The following MAPKBP1 variants were observed in gnomAD, a reference collection of about 807,000 sequenced individuals.
MAPKBP1 encodes the protein mitogen-activated protein kinase binding protein 1.
Under a neutral mutation model 170.5 loss-of-function variants are expected in MAPKBP1, and 71 were observed. The ratio of observed to expected loss-of-function variants is 0.42; its 90% CI spans 0.34 to 0.51. The LOEUF (loss-of-function observed/expected upper bound fraction) is 0.51. Among genes scored for constraint, MAPKBP1 ranks in the 20% least tolerant of loss-of-function variants. The probability of loss-of-function intolerance (pLI) is 0.06; values close to 1 mark genes in which losing one functional copy is unlikely to be tolerated. For synonymous variants in MAPKBP1, 719 were observed against 757.9 expected, an observed-to-expected ratio of 0.95 and a Z score of 0.84; for missense variants, 1,598 against 1,933.0, an observed-to-expected ratio of 0.83 and a Z score of 3.25.
rs1366828943 is a variant in MAPKBP1 at position 41,794,147 on chromosome 15, G to A, written c.115-5676G>A. Among the ~76,000 whole-genome samples the A allele has an allele frequency of 5.9e-5, 9 of 152,110 alleles. No individual in the cohort carries two copies. In the South Asian group the frequency reaches 8.3e-4, roughly 14 times the overall value. The stretch of plus-strand genomic sequence containing the variant: ...CTCGGGAGGCTGAGGCAGCAGAATC[G>A]CTTGAACCCTGGAGGCAGAGATTGC... On this transcript the variant is annotated intron_variant, in intron 2 of 30. Coordinates refer to ENST00000457542, the MANE Select transcript of MAPKBP1 (RefSeq NM_014994.3).
intron 1 of MAPKBP1, 40 bp downstream of exon 1, chr15:41,774,650 G>A: frequency 5.0e-6 from 2 of 398,710 alleles, no homozygotes; most frequent in Non-Finnish European, 8.8e-6. Context: ...CGAGTAGCAG[G>A]GGCCTCAGAG....
At chr15:41,793,883 A>G (rs796640948) in intron 2 of MAPKBP1, among the ~76,000 whole-genome samples, 93 of 152,328 alleles carry the variant, frequency 6.1e-4, no homozygotes, top group African/African-American at 2.2e-3. Context: ...GACATGTCAA[A>G]GAATTATACA....
In MAPKBP1 at chr15:41,825,594, G is replaced by T; in HGVS notation, c.*158G>T. The T allele has an allele frequency of 1.7e-6, 1 of 582,856 alleles. No individual in the cohort carries two copies. Among genetic ancestry groups the T allele is most frequent in the Non-Finnish European group, 2.9e-6 (1 of 340,826 alleles). The allele number at this position is 582,856 out of a possible 1,614,324, so 36.1% of individuals were successfully genotyped here. Reference sequence around the variant, plus strand: ...CCCAGCCGCTCCTCGTGGGGGGCCTGTATTTATTAATTTATTTCCCTGACT... The same window carrying T: ...CCCAGCCGCTCCTCGTGGGGGGCCTTTATTTATTAATTTATTTCCCTGACT... On this transcript the variant is annotated 3_prime_UTR_variant, in exon 31 of 31. Coordinates refer to ENST00000457542, the MANE Select transcript of MAPKBP1 (RefSeq NM_014994.3).
intron 3 of MAPKBP1, among the ~76,000 whole-genome samples, chr15:41,807,423 C>T (rs971219721): frequency 9.8e-5 from 15 of 152,290 alleles, no homozygotes; most frequent in African/African-American, 3.4e-4. Flanking sequence ...CATAAACTTG[C>T]AAATAGATCC....
At chr15:41,812,230 A>C (rs969314409) in intron 6 of MAPKBP1, 103 bp downstream of exon 6, 1 of 1,447,458 alleles carries the variant, frequency 6.9e-7, no homozygotes. Context: ...ACCCCACTGA[A>C]CCATTCTCAT....
intron 2 of MAPKBP1, among the ~76,000 whole-genome samples, chr15:41,798,424 A>T (rs1436441455): frequency 1.3e-5 from 2 of 151,556 alleles, no homozygotes; most frequent in African/African-American, 4.8e-5. Flanking sequence ...CTGGGATTAC[A>T]GGCACCAACC....
chr15:41,789,340 C>T (rs1157280498), intron 2 of MAPKBP1, among the ~76,000 whole-genome samples: 1 of 151,694 alleles, frequency 6.6e-6, no homozygotes, highest in Non-Finnish European at 1.5e-5. Context: ...TGCATGCTTA[C>T]ATTGAGATAA....
intron 23 of MAPKBP1, 145 bp downstream of exon 23, chr15:41,821,213 G>C (rs767895781): frequency 1.7e-4 from 131 of 784,082 alleles, no homozygotes; most frequent in East Asian, 2.3e-4. Context: ...AGCCAGGATG[G>C]GGGTGGCTGG....
chr15:41,825,436 A>C lies in MAPKBP1; in HGVS notation c.4527A>C (p.Ter1509CysextTer8), dbSNP rs1489522623. 2.6e-5 allele frequency: 42 copies of C among 1,598,138 alleles called. No homozygotes were observed. The highest frequency in any genetic ancestry group is 3.6e-5 in the Non-Finnish European group (42 of 1,168,832). Residue 1509 changes from the stop codon to cysteine, a stop_lost, in exon 31 of 31, where the codon TGA becomes TGC. Transcript: ENST00000457542. ...AVERRMERKL* is the reference protein window; with the variant it reads ...AVERRMERKLC ...AACGGCGTATGGAACGCAAACTCTG[A>C]GTTCTGGAAGCCTGTCCCAAGTGAA...
chr15:41,814,611 C>A lies in MAPKBP1; in HGVS notation c.1042C>A (p.Pro348Thr). The A allele has an allele frequency of 6.2e-7, 1 of 1,614,150 alleles. No homozygotes were observed. The highest frequency in any genetic ancestry group is 2.2e-5 in the East Asian group (1 of 44,874). ...AGACACCATTGCCTTGACCTTTGAT[C>A]CTACTAATCAGTGGCTGTCTTGTGT... ...YPDTIALTFD[P>T]TNQWLSCVYN... The change falls in exon 10 of 31, where the codon CCT (proline) becomes ACT (threonine). Residue 348 changes from proline (P) to threonine (T), a missense_variant. Physicochemically the swap from Pro to Thr is conservative, Grantham distance 38. Transcript: ENST00000457542.
Position 41,807,721 on chromosome 15 carries a change from C to T in MAPKBP1, c.207-3162C>T, listed in dbSNP as rs1323523241. On this transcript the variant is annotated intron_variant, in intron 3 of 30. Transcript: ENST00000457542. The stretch of plus-strand genomic sequence containing the variant: ...GCCTGGGGCTATTACTTTTCATATA[C>T]TGCATAAAGTATTAAAACCTAAATA... Among the ~76,000 whole-genome samples the T allele has an allele frequency of 3.3e-5, 5 of 152,246 alleles. No homozygotes were observed. In the East Asian group the frequency reaches 9.6e-4, roughly 29 times the overall value.
intron 1 of MAPKBP1, chr15:41,774,854 TG>T: frequency 2.4e-6 from 1 of 413,656 alleles, no homozygotes; most frequent in Non-Finnish European, 4.3e-6. Context: ...CCTCCTCCCT[TG>T]GACACTACAG....
intron 23 of MAPKBP1, 36 bp from the exon 24 acceptor site, chr15:41,821,548 C>T (rs760104947): frequency 1.2e-6 from 2 of 1,603,754 alleles, no homozygotes; most frequent in South Asian, 1.1e-5. Context: ...TCATCTGTCA[C>T]CTCTGCTCTG....
At position 41,817,068 on chromosome 15, in the gene MAPKBP1, A is replaced by G; in HGVS notation, c.1711+33A>G. On this transcript the variant is annotated intron_variant, in intron 14 of 30. Coordinates refer to ENST00000457542, the MANE Select transcript of MAPKBP1 (RefSeq NM_014994.3). The surrounding 1 kb of genome is among the most constrained non-coding windows in gnomAD (Gnocchi z 4.2). ...CAGGGTGAATGAGACACATCCTGCC[A>G]CTCTCACCCCTGCTGCCATCTGCCT... The G allele has an allele frequency of 6.5e-7, 1 of 1,549,800 alleles. No homozygotes were observed. The highest frequency in any genetic ancestry group is 2.3e-5 in the East Asian group (1 of 44,088).
At chr15:41,819,553 G>GT (rs1555454066) in intron 21 of MAPKBP1, 42 bp from the exon 22 acceptor site, 8 of 1,502,768 alleles carry the variant, frequency 5.3e-6, no homozygotes, top group South Asian at 1.1e-5. Context: ...GTGGCGGGGG[G>GT]GGGGCAGGAG....
chr15:41,814,702 C>CG lies in MAPKBP1; in HGVS notation c.1135dup (p.Ala379GlyfsTer20). ...CCCAAGAAAGTGGGCAAGGTGTACT[C>CG]GGCTCTGTATCATTCTTCCTGCGTC... is the stretch of plus-strand genomic sequence containing the variant. On this transcript the variant is annotated frameshift_variant, in exon 10 of 31. Transcript: ENST00000457542. LOFTEE classifies it high-confidence loss of function. The CG allele has an allele frequency of 6.2e-7, 1 of 1,614,200 alleles. No homozygotes were observed. Among genetic ancestry groups the CG allele is most frequent in the Non-Finnish European group, 8.5e-7 (1 of 1,180,030 alleles).
In MAPKBP1 at chr15:41,818,900, AGCGGG is replaced by A; in HGVS notation, c.2239_2243del (p.Gly747GlnfsTer34). 1 of 1,614,244 alleles carries A rather than the reference AGCGGG, an allele frequency of 6.2e-7. No individual in the cohort carries two copies. Among genetic ancestry groups the A allele is most frequent in the Non-Finnish European group, 8.5e-7 (1 of 1,180,046 alleles). On this transcript the variant is annotated frameshift_variant, in exon 20 of 31. Coordinates refer to ENST00000457542, the MANE Select transcript of MAPKBP1 (RefSeq NM_014994.3). LOFTEE classifies it high-confidence loss of function. This position sits in a 1 kb window ranked among gnomAD's most constrained non-coding sequence, Gnocchi z 5.2. Reference sequence around the variant, plus strand: ...CGTCTGGCCGAGTTGCGCCAGCGTCAGCGGGGCGGCAAGCAGCAAGGACCATCCTC... The same window carrying A: ...CGTCTGGCCGAGTTGCGCCAGCGTCAGCGGCAAGCAGCAAGGACCATCCTC...
chr15:41,823,298 T>A, intron 28 of MAPKBP1, 76 bp downstream of exon 28: 1 of 1,557,568 alleles, frequency 6.4e-7, no homozygotes, highest in South Asian at 1.2e-5. Flanking sequence ...AGGGAGGGCC[T>A]GGTGTGGCCC....
At chr15:41,774,732 G>C (rs1277044026) in intron 1 of MAPKBP1, 122 bp downstream of exon 1, 1 of 399,854 alleles carries the variant, frequency 2.5e-6, no homozygotes, top group Non-Finnish European at 4.4e-6. Flanking sequence ...GGGAGTGGGG[G>C]AGGGAGGCTC....
Sources: allele counts gnomAD v4.1 joint callset (sites outside exome capture counted in the v4.1 genomes callset), GRCh38; gene constraint gnomAD v4.1.1; non-coding constraint Gnocchi (gnomAD v3.1); transcripts MANE v1.5; gene names NCBI Gene and HGNC (gene_info 2026-07-23, HGNC 2026-07-21).